The following MSANTD2 variants were observed in gnomAD, a reference collection of about 807,000 sequenced individuals.
MSANTD2 encodes myb/SANT-like DNA-binding domain-containing protein 2.
In MSANTD2, 19 loss-of-function variants were observed where a neutral mutation model predicts 52.6. The ratio of observed to expected loss-of-function variants is 0.36; its 90% CI spans 0.25 to 0.53. MSANTD2 has a LOEUF of 0.53. MSANTD2 is among the 20% of genes least tolerant of loss of function. The pLI is 0.91. For synonymous variants in MSANTD2, 291 were observed against 289.7 expected (o/e 1.00, Z -0.04); for missense variants, 558 against 716.3 (o/e 0.78, Z 2.52).
chr11:124,769,932 A>G (rs1944439631), intron 3 of MSANTD2, among the ~76,000 whole-genome samples: 1 of 152,194 alleles, frequency 6.6e-6, no homozygotes, highest in South Asian at 2.1e-4. Context: ...CAGGCTGGAT[A>G]TTTCCTCAGA....
At chr11:124,791,392 T>C (rs1272829843) in intron 1 of MSANTD2, 3 of 1,346,848 alleles carry the variant, frequency 2.2e-6, no homozygotes, top group Admixed American at 3.4e-5. Flanking sequence ...GGCTACATCA[T>C]CAAAACCTTA....
chr11:124,776,220 G>A (rs925677734), intron 1 of MSANTD2: 1 of 152,222 alleles, frequency 6.6e-6, no homozygotes, highest in East Asian at 1.9e-4. Context: ...CTCTCCATAA[G>A]CCAATATGTT....
intron 3 of MSANTD2, among the ~76,000 whole-genome samples, chr11:124,770,296 CTTT>C (rs971963475): frequency 6.9e-6 from 1 of 143,918 alleles, no homozygotes; most frequent in South Asian, 2.1e-4. Flanking sequence ...TGTAATAACT[CTTT>C]TTTTTTGTTT....
intron 1 of MSANTD2, among the ~76,000 whole-genome samples, chr11:124,788,831 A>G (rs1197305545): frequency 6.6e-6 from 1 of 152,260 alleles, no homozygotes; most frequent in African/African-American, 2.4e-5. Flanking sequence ...ATATAACAAT[A>G]GCAAATGAAT....
intron 1 of MSANTD2, chr11:124,791,269 G>A (rs138024521): frequency 1.4e-6 from 2 of 1,456,058 alleles, no homozygotes; most frequent in African/African-American, 2.8e-5. Context: ...AGTATCCTTG[G>A]TCTACTCCAT....
chr11:124,799,825 TTC>T, intron 1 of MSANTD2, 44 bp downstream of exon 1: 4 of 1,463,264 alleles, frequency 2.7e-6, no homozygotes, highest in Non-Finnish European at 3.7e-6. Flanking sequence ...CTTCCCCGCC[TTC>T]TCTCTGCCTC....
At chr11:124,778,047 G>A (rs948745920) in intron 1 of MSANTD2, among the ~76,000 whole-genome samples, 2 of 152,106 alleles carry the variant, frequency 1.3e-5, no homozygotes, top group Non-Finnish European at 2.9e-5. Context: ...AGCAAAAGAG[G>A]TTACACTTTC....
intron 1 of MSANTD2, among the ~76,000 whole-genome samples, chr11:124,781,020 T>G (rs1187381786): frequency 6.6e-6 from 1 of 151,956 alleles, no homozygotes; most frequent in East Asian, 1.9e-4. Context: ...CCGTCTCTAC[T>G]AAAAAGACAA....
intron 1 of MSANTD2, chr11:124,775,997 A>G (rs946267649): frequency 3.3e-5 from 5 of 152,206 alleles, no homozygotes; most frequent in African/African-American, 1.2e-4. Flanking sequence ...AAATTTAGTT[A>G]AGTTGCAACC....
At chr11:124,784,174 T>C in intron 1 of MSANTD2, 1 of 985,162 alleles carries the variant, frequency 1.0e-6, no homozygotes, top group Non-Finnish European at 1.2e-6. Flanking sequence ...AAAAAATCAG[T>C]TGTTGGCAAA....
intron 3 of MSANTD2, 142 bp downstream of exon 3, chr11:124,772,852 G>T: frequency 1.6e-6 from 1 of 616,324 alleles, no homozygotes. Flanking sequence ...GTGAGTCCCT[G>T]ATTAAATCTA....
Position 124,767,624 on chromosome 11 carries a change from A to C in MSANTD2, c.1232T>G (p.Leu411Ter). 2 of 1,614,236 alleles carry C rather than the reference A, an allele frequency of 1.2e-6. No individual in the cohort carries two copies. Among genetic ancestry groups the C allele is most frequent in the Non-Finnish European group, 1.7e-6 (2 of 1,180,042 alleles). ...GCTTTTAGGAATACCCCCAGGCAAT[A>C]AATATTGAACAACATTCCCACCAGT... The part of the protein sequence containing the change: ...KPTGGNVVQY[L>*]LPGGIPKSPG... The change falls in exon 4 of 4, where the codon TTA becomes TGA. Residue 411 changes from leucine (L) to a stop codon, truncating the protein, a stop_gained. Transcript: ENST00000374979. LOFTEE classifies it high-confidence loss of function. This position sits in a 1 kb window ranked among gnomAD's most constrained non-coding sequence, Gnocchi z 6.5.
Position 124,794,881 on chromosome 11 carries a change from ATTAT to A in MSANTD2, c.510+4986_510+4989del, listed in dbSNP as rs550957026. 2.0e-3 allele frequency among the ~76,000 whole-genome samples: 299 copies of A among 152,100 alleles called. 2 individuals carry two copies. Among genetic ancestry groups the A allele is most frequent in the Middle Eastern group, 6.8e-3 (2 of 292 alleles). The stretch of plus-strand genomic sequence containing the variant: ...CAGAAGACTCTTTTATCTTTTATTT[ATTAT>A]TTATTTATTTTGAGACAGGGTCTCA... On this transcript the variant is annotated intron_variant, in intron 1 of 3. Transcript: ENST00000374979.
rs770374014 is a variant in MSANTD2, at chr11:124,799,890, T to C, written c.491A>G (p.Gln164Arg). 3 of 1,582,012 alleles carry C rather than the reference T, an allele frequency of 1.9e-6. No homozygotes were observed. The highest frequency in any genetic ancestry group is 2.6e-6 in the Non-Finnish European group (3 of 1,172,500). Residue 164 changes from glutamine (Q) to arginine (R), a missense_variant, in exon 1 of 4, where the codon CAG becomes CGG. By Grantham distance (43) the Gln-to-Arg change is conservative. Around this residue, in one of 2 missense-constraint regions of MSANTD2, gnomAD observed 408 missense variants for 573.6 expected, o/e 0.71. Transcript: ENST00000374979. ...GGTTACCTTGATGCGCTCCCGGCAC[T>C]GGGACGGGGTCCGCTCGTAGCCCAG... ...AELGYERTPS[Q>R]CRERIKTLRR... is the part of the protein sequence containing the mutation.
At chr11:124,789,978 GTTC>G (rs1179805515) in intron 1 of MSANTD2, 28 of 152,316 alleles carry the variant, frequency 1.8e-4, no homozygotes, top group African/African-American at 5.8e-4. Flanking sequence ...GTTTTAAAGA[GTTC>G]TTTAGAGTAC....
At chr11:124,784,624 A>G in intron 1 of MSANTD2, 3 of 985,014 alleles carry the variant, frequency 3.0e-6, no homozygotes, top group Non-Finnish European at 3.6e-6. Flanking sequence ...CTGAAGCAGT[A>G]GGCCACTTTA....
chr11:124,783,864 T>TA, intron 1 of MSANTD2: 1 of 985,426 alleles, frequency 1.0e-6, no homozygotes, highest in Non-Finnish European at 1.2e-6. Context: ...ATAAAGCTTC[T>TA]GACCCTATGC....
chr11:124,778,486 G>T (rs1243919411), intron 1 of MSANTD2, among the ~76,000 whole-genome samples: 2 of 152,208 alleles, frequency 1.3e-5, no homozygotes, highest in Non-Finnish European at 2.9e-5. Flanking sequence ...GAAGAGTTGT[G>T]AGAGAATACT....
chr11:124,791,235 T>C (rs981064398), intron 1 of MSANTD2: 12 of 1,418,272 alleles, frequency 8.5e-6, no homozygotes, highest in South Asian at 2.3e-5. Context: ...TGACCATCAA[T>C]GGGGTCACAA....
Sources: gnomAD v4.1 joint callset for allele counts (sites outside exome capture counted in the v4.1 genomes callset) on GRCh38, gnomAD v4.1.1 for gene constraint, gnomAD v4.1.1 regional missense constraint, Gnocchi (gnomAD v3.1) non-coding constraint, MANE v1.5 for transcripts, NCBI Gene and HGNC (gene_info 2026-07-23, HGNC 2026-07-21) for gene names.